Variants in ANTXR2 observed in about 807,000 individuals in gnomAD.
ANTXR2 encodes ANTXR cell adhesion molecule 2.
Under a neutral mutation model 73.7 loss-of-function variants are expected in ANTXR2, and 44 were observed. That is an observed-to-expected ratio of 0.60 (90% CI 0.47 to 0.77). The LOEUF (loss-of-function observed/expected upper bound fraction) is 0.77, where lower values mean the gene tolerates loss of function less well. Ranked by LOEUF, ANTXR2 falls within the 30% of genes least tolerant of loss-of-function variation. ANTXR2 has a pLI of 0.00. For missense variants in ANTXR2, 604 were observed against 592.5 expected (o/e 1.02, Z -0.20); for synonymous variants, 217 against 205.9 (o/e 1.05, Z -0.46).
intron 16 of ANTXR2, among the ~76,000 whole-genome samples, chr4:79,927,044 T>TATG (rs2109954616): frequency 1.0e-5 from 1 of 95,966 alleles, no homozygotes; most frequent in Non-Finnish European, 2.4e-5. Flanking sequence ...TGTGTATATA[T>TATG]ATGTGCGTGT....
intron 16 of ANTXR2, among the ~76,000 whole-genome samples, chr4:79,912,961 C>T (rs1727206547): frequency 6.6e-6 from 1 of 152,186 alleles, no homozygotes; most frequent in Admixed American, 6.5e-5. Context: ...CACATGACTT[C>T]TCGCATTCTA....
intron 16 of ANTXR2, among the ~76,000 whole-genome samples, chr4:79,975,230 T>C (rs1354144831): frequency 6.6e-6 from 1 of 152,166 alleles, no homozygotes; most frequent in African/African-American, 2.4e-5. Context: ...CTTTCCCTAA[T>C]CTCTCCTGAG....
intron 12 of ANTXR2, among the ~76,000 whole-genome samples, chr4:79,992,771 A>G (rs1433731337): frequency 2.0e-5 from 3 of 152,086 alleles, no homozygotes; most frequent in Non-Finnish European, 4.4e-5. Context: ...AGCTACCCTA[A>G]CCATCTTCAT....
At position 79,906,086 on chromosome 4, in the gene ANTXR2, T is replaced by C. The variant is rs1235500974; in HGVS notation, c.*1343A>G. 1 of 152,610 alleles carries C rather than the reference T, an allele frequency of 6.6e-6. No homozygotes were observed. Among genetic ancestry groups the C allele is most frequent in the Non-Finnish European group, 1.5e-5 (1 of 68,036 alleles). 9.5% of individuals were successfully genotyped at this position (152,610 alleles called of 1,614,324 possible). A position where few individuals can be genotyped will look rare whatever the true frequency, so the allele number is the denominator to read the frequency against. Reference sequence around the variant, plus strand: ...AGTGACTAGATCATTTGAGCTTTTTTCTTCAGCTGCTGCCTTCCTCCCCCA... The same window carrying C: ...AGTGACTAGATCATTTGAGCTTTTTCCTTCAGCTGCTGCCTTCCTCCCCCA... On this transcript the variant is annotated 3_prime_UTR_variant, in exon 17 of 17. Transcript: ENST00000403729.
At chr4:80,021,070 A>G (rs2110071253) in intron 10 of ANTXR2, among the ~76,000 whole-genome samples, 1 of 142,078 alleles carries the variant, frequency 7.0e-6, no homozygotes, top group Admixed American at 7.8e-5. Flanking sequence ...AATCACTTGA[A>G]CCCGGGAGGC....
At chr4:79,934,554 A>G (rs1373174558) in intron 16 of ANTXR2, among the ~76,000 whole-genome samples, 1 of 151,740 alleles carries the variant, frequency 6.6e-6, no homozygotes, top group East Asian at 1.9e-4. Context: ...AAAAAAAAAA[A>G]ACACCAAACC....
chr4:79,996,318 T>TGGATGG (rs1730723188), intron 12 of ANTXR2, among the ~76,000 whole-genome samples: 1 of 148,760 alleles, frequency 6.7e-6, no homozygotes, highest in Non-Finnish European at 1.5e-5. Flanking sequence ...CGGATGGATA[T>TGGATGG]ATGGATGGAT....
Position 80,055,976 on chromosome 4 carries a change from C to A in ANTXR2, c.334G>T (p.Val112Phe), listed in dbSNP as rs1327274570. 3 of 1,571,106 alleles carry A rather than the reference C, an allele frequency of 1.9e-6. No individual in the cohort carries two copies. Among genetic ancestry groups the A allele is most frequent in the Non-Finnish European group, 2.6e-6 (3 of 1,158,536 alleles). The change falls in exon 4 of 17, where the codon GTT (valine) becomes TTT (phenylalanine). Residue 112 changes from valine to phenylalanine, a missense_variant. Coordinates refer to ENST00000403729, the MANE Select transcript of ANTXR2 (RefSeq NM_058172.6). Reference protein sequence around the residue: ...ISKGLEDLKRVSPVGETYIHE... With the variant: ...ISKGLEDLKRFSPVGETYIHE... The stretch of plus-strand genomic sequence containing the variant: ...ATATATGTCTCTCCTACTGGACTAA[C>A]ACGTTTTAAATCCTCCAAGCCTTTA...
At chr4:79,984,065 G>T in intron 13 of ANTXR2, 95 bp from the exon 14 acceptor site, 1 of 905,326 alleles carries the variant, frequency 1.1e-6, no homozygotes, top group Non-Finnish European at 1.7e-6. Context: ...TCTGAATTAT[G>T]TCATTACTAT....
intron 7 of ANTXR2, among the ~76,000 whole-genome samples, chr4:80,036,287 G>C (rs1020783032): frequency 6.6e-6 from 1 of 152,072 alleles, no homozygotes; most frequent in Non-Finnish European, 1.5e-5. Context: ...CAGGAAAAGT[G>C]AGCATTGTCT....
chr4:79,926,171 T>C (rs1273799620), intron 16 of ANTXR2, among the ~76,000 whole-genome samples: 1 of 152,172 alleles, frequency 6.6e-6, no homozygotes, highest in Non-Finnish European at 1.5e-5. Context: ...TAAATAAGAA[T>C]ATGTATCCAA....
At chr4:80,025,208 T>C (rs1445529043) in intron 10 of ANTXR2, among the ~76,000 whole-genome samples, 1 of 152,214 alleles carries the variant, frequency 6.6e-6, no homozygotes, top group African/African-American at 2.4e-5. Flanking sequence ...AGTACTATGA[T>C]ACACAATTTA....
intron 12 of ANTXR2, among the ~76,000 whole-genome samples, chr4:79,997,438 G>A (rs528916569): frequency 6.6e-4 from 101 of 151,986 alleles, no homozygotes; most frequent in African/African-American, 2.4e-3. Context: ...ATATATGGGG[G>A]TCTTCCTTTC....
At chr4:79,910,617 A>G (rs1374154882) in intron 16 of ANTXR2, among the ~76,000 whole-genome samples, 1 of 152,142 alleles carries the variant, frequency 6.6e-6, no homozygotes, top group Non-Finnish European at 1.5e-5. Context: ...TAAGTCTAAC[A>G]TAGAGCAGAC....
intron 7 of ANTXR2, among the ~76,000 whole-genome samples, chr4:80,053,500 A>G (rs565102581): frequency 6.6e-6 from 1 of 151,868 alleles, no homozygotes; most frequent in Non-Finnish European, 1.5e-5. Context: ...TGTTAGAAGA[A>G]ACTGATATTT....
rs1412931095 is a variant in ANTXR2, at chr4:80,033,562, G to A, written c.706C>T (p.Gln236Ter). Residue 236 changes from glutamine to a stop codon, truncating the protein, a stop_gained, in exon 9 of 17, where the codon CAG (glutamine) becomes TAG (stop). Transcript: ENST00000403729. LOFTEE classifies it high-confidence loss of function. ...AATCCTCTTCCACTTAAGACAATCT[G>A]AAATTCCTCTAGAAGTAAAAGGAAA... Reference protein sequence around the residue: ...PSSVCVGEEFQIVLSGRGFML... With the variant: ...PSSVCVGEEF The A allele has an allele frequency of 6.3e-7, 1 of 1,583,300 alleles. No individual in the cohort carries two copies. Among genetic ancestry groups the A allele is most frequent in the Non-Finnish European group, 8.5e-7 (1 of 1,169,916 alleles).
intron 16 of ANTXR2, among the ~76,000 whole-genome samples, chr4:79,958,542 C>CA: frequency 6.6e-6 from 1 of 152,222 alleles, no homozygotes; most frequent in African/African-American, 2.4e-5. Context: ...TTCAATCTCT[C>CA]ATTCATGAGC....
At chr4:80,059,480 T>C (rs565090698) in intron 3 of ANTXR2, among the ~76,000 whole-genome samples, 39 of 152,064 alleles carry the variant, frequency 2.6e-4, no homozygotes, top group Admixed American at 2.5e-3. Flanking sequence ...CACCTCAGTC[T>C]CCCAAGTAGC....
At chr4:80,052,286 T>G (rs1733806841) in intron 7 of ANTXR2, among the ~76,000 whole-genome samples, 1 of 151,684 alleles carries the variant, frequency 6.6e-6, no homozygotes. Context: ...TTTTTAAAAA[T>G]CAGATGGTAC....
Sources: allele counts gnomAD v4.1 joint callset (sites outside exome capture counted in the v4.1 genomes callset), GRCh38; gene constraint gnomAD v4.1.1; transcripts MANE v1.5; gene names NCBI Gene and HGNC (gene_info 2026-07-23, HGNC 2026-07-21).